The following CATSPERT variants were observed in gnomAD, a reference collection of about 807,000 sequenced individuals.
CATSPERT encodes catsper channel auxiliary subunit tau, also known as cation channel sperm-associated targeting subunit tau.
At chr2:201,515,038 G>A in the CATSPERT span, among the ~76,000 whole-genome samples, 2 of 151,944 alleles carry the variant, frequency 1.3e-5, no homozygotes, top group Admixed American at 1.3e-4. Context: ...AGGCCTGTTG[G>A]TTTAGGCCCC....
the CATSPERT span, chr2:201,491,022 C>T: frequency 1.4e-6 from 1 of 712,660 alleles, no homozygotes; most frequent in South Asian, 2.7e-5. Context: ...CACACCTGGT[C>T]TTTCAGAGGA....
At chr2:201,578,665 T>G in the CATSPERT span, among the ~76,000 whole-genome samples, 22 of 152,270 alleles carry the variant, frequency 1.4e-4, no homozygotes, top group South Asian at 2.5e-3. Flanking sequence ...GATGGGTGAT[T>G]TCTGAATTTT....
the CATSPERT span, among the ~76,000 whole-genome samples, chr2:201,618,736 AG>A: frequency 1.3e-5 from 2 of 151,220 alleles, no homozygotes; most frequent in African/African-American, 2.4e-5. Context: ...AATAAAAAAA[AG>A]GAATTGCTAT....
the CATSPERT span, among the ~76,000 whole-genome samples, chr2:201,606,898 C>CAAAAAAAA: frequency 1.7e-5 from 1 of 58,626 alleles, no homozygotes; most frequent in African/African-American, 6.5e-5. Context: ...GACTCTGTCT[C>CAAAAAAAA]AAAAAAAAAA....
chr2:201,492,436 A>G, the CATSPERT span: 406 of 1,533,194 alleles, frequency 2.6e-4, 8 homozygotes, highest in South Asian at 4.4e-3. Flanking sequence ...ATAGTTTTGT[A>G]GAGATTTACT....
the CATSPERT span, among the ~76,000 whole-genome samples, chr2:201,541,642 C>G: frequency 1.3e-5 from 2 of 149,906 alleles, no homozygotes; most frequent in Non-Finnish European, 3.0e-5. Context: ...GTTACCCAGG[C>G]TGGAGTGCAG....
the CATSPERT span, among the ~76,000 whole-genome samples, chr2:201,494,969 C>T: frequency 1.3e-5 from 2 of 152,004 alleles, no homozygotes; most frequent in Non-Finnish European, 2.9e-5. Context: ...TTAATTCTGA[C>T]ACTATTTTGT....
At chr2:201,589,829 A>T in the CATSPERT span, among the ~76,000 whole-genome samples, 2 of 151,996 alleles carry the variant, frequency 1.3e-5, no homozygotes, top group Non-Finnish European at 2.9e-5. Context: ...AACCTAAAGA[A>T]TGGGGGAAAA....
At chr2:201,543,814 T>G in the CATSPERT span, among the ~76,000 whole-genome samples, 1 of 152,142 alleles carries the variant, frequency 6.6e-6, no homozygotes, top group Non-Finnish European at 1.5e-5. Context: ...GATAAAGAAA[T>G]ATTATTATGT....
chr2:201,581,022 A>G, the CATSPERT span, among the ~76,000 whole-genome samples: 1 of 152,158 alleles, frequency 6.6e-6, no homozygotes, highest in Admixed American at 6.5e-5. Flanking sequence ...AAACATAATA[A>G]AACATGTTTA....
chr2:201,492,249 T>C, the CATSPERT span: 12 of 1,519,534 alleles, frequency 7.9e-6, no homozygotes, highest in Admixed American at 4.4e-5. Flanking sequence ...AATGTGTTTT[T>C]ATATATTTTA....
the CATSPERT span, among the ~76,000 whole-genome samples, chr2:201,616,971 G>A: frequency 6.6e-6 from 1 of 152,106 alleles, no homozygotes; most frequent in African/African-American, 2.4e-5. Flanking sequence ...GCTTCAAAGA[G>A]AATAAAATAC....
the CATSPERT span, chr2:201,487,593 A>G: frequency 6.2e-7 from 1 of 1,601,898 alleles, no homozygotes; most frequent in East Asian, 2.2e-5. Flanking sequence ...TTATAATATC[A>G]CAAATGAGCG....
the CATSPERT span, among the ~76,000 whole-genome samples, chr2:201,612,938 G>C: frequency 2.4e-4 from 36 of 152,290 alleles, no homozygotes; most frequent in African/African-American, 7.9e-4. Flanking sequence ...CACGCCCACG[G>C]AGCTTTGCTC....
chr2:201,540,262 A>T, the CATSPERT span, among the ~76,000 whole-genome samples: 2 of 152,246 alleles, frequency 1.3e-5, no homozygotes, highest in Non-Finnish European at 2.9e-5. Flanking sequence ...AGTTACCCAG[A>T]AGATCTAGCT....
chr2:201,503,950 C>G, the CATSPERT span, among the ~76,000 whole-genome samples: 1 of 152,166 alleles, frequency 6.6e-6, no homozygotes, highest in African/African-American at 2.4e-5. Context: ...TACTTACTCT[C>G]ATGTGTTATG....
the CATSPERT span, among the ~76,000 whole-genome samples, chr2:201,608,230 C>T: frequency 3.9e-5 from 6 of 152,086 alleles, no homozygotes; most frequent in Non-Finnish European, 7.4e-5. Context: ...TCGTTGTAGC[C>T]TCAAACTCCT....
the CATSPERT span, among the ~76,000 whole-genome samples, chr2:201,581,477 A>AATATATATAT: frequency 6.7e-4 from 10 of 14,854 alleles, no homozygotes; most frequent in African/African-American, 9.4e-4. Context: ...CACATTCCGG[A>AATATATATAT]ATATATATAT....
At chr2:201,599,773 G>T in the CATSPERT span, among the ~76,000 whole-genome samples, 2 of 152,116 alleles carry the variant, frequency 1.3e-5, no homozygotes. Context: ...TTATGCTAAT[G>T]AAGATAAACA....
Sources: allele counts gnomAD v4.1 joint callset (sites outside exome capture counted in the v4.1 genomes callset), GRCh38; gene constraint gnomAD v4.1.1; transcripts MANE v1.5; gene names NCBI Gene and HGNC (gene_info 2026-07-23, HGNC 2026-07-21).